The following MYO1E variants were observed in gnomAD, a reference collection of about 807,000 sequenced individuals.
MYO1E encodes the protein myosin IE, also known as unconventional myosin-Ie.
A neutral mutation model predicts 151.1 loss-of-function variants in MYO1E; 68 were observed. The observed-to-expected ratio is 0.45, with a 90% confidence interval of 0.37 to 0.55. The LOEUF (loss-of-function observed/expected upper bound fraction) is 0.55, where lower values mean the gene tolerates loss of function less well. Among genes scored for constraint, MYO1E ranks in the 20% least tolerant of loss-of-function variants. The pLI is 0.00. For missense variants in MYO1E, 1,363 were observed against 1,389.3 expected (o/e 0.98, Z 0.30); for synonymous variants, 601 against 501.7 (o/e 1.20, Z -2.64).
intron 4 of MYO1E, among the ~76,000 whole-genome samples, chr15:59,254,237 G>A (rs2140369388): frequency 6.6e-6 from 1 of 152,238 alleles, no homozygotes; most frequent in South Asian, 2.1e-4. Context: ...CGCCTGGCTA[G>A]AGTGCAGTGG....
chr15:59,305,884 C>A (rs1173282685), intron 1 of MYO1E, among the ~76,000 whole-genome samples: 2 of 152,130 alleles, frequency 1.3e-5, no homozygotes, highest in African/African-American at 4.8e-5. Flanking sequence ...CAGAGCTTCA[C>A]TGGGGGCCCA....
rs1030341144 is a variant in MYO1E at position 59,135,312 on chromosome 15, G to A, written c.*2068C>T. 6.6e-6 allele frequency: 1 copy of A among 152,164 alleles called. No homozygotes were observed. The highest frequency in any genetic ancestry group is 2.4e-5 in the African/African-American group (1 of 41,424). 9.4% of individuals were successfully genotyped at this position (152,164 alleles called of 1,614,324 possible). On this transcript the variant is annotated 3_prime_UTR_variant, in exon 28 of 28. Transcript: ENST00000288235. ...TGTAAAATGCCAATCAATCAATCAGGAGGAAAAACAAAGGCTTGTCCCAGC... is the reference window on the plus strand; with the variant it reads ...TGTAAAATGCCAATCAATCAATCAGAAGGAAAAACAAAGGCTTGTCCCAGC...
intron 6 of MYO1E, among the ~76,000 whole-genome samples, chr15:59,228,592 T>C (rs1281449921): frequency 6.6e-6 from 1 of 152,062 alleles, no homozygotes; most frequent in Non-Finnish European, 1.5e-5. Context: ...TCTCCTGTGC[T>C]TAGAAACTTA....
intron 2 of MYO1E, among the ~76,000 whole-genome samples, chr15:59,265,872 T>A (rs544686332): frequency 4.7e-5 from 7 of 147,714 alleles, no homozygotes; most frequent in African/African-American, 1.8e-4. Context: ...GAGGCTGAGG[T>A]GGGAGGATCA....
chr15:59,171,791 G>C (rs2079596218), intron 22 of MYO1E, 106 bp downstream of exon 22: 1 of 1,411,790 alleles, frequency 7.1e-7, no homozygotes, highest in East Asian at 2.3e-5. Flanking sequence ...TCATGATTTT[G>C]ACAGCTGGGA....
chr15:59,164,621 A>G (rs1030152614), intron 22 of MYO1E, among the ~76,000 whole-genome samples: 1 of 152,206 alleles, frequency 6.6e-6, no homozygotes, highest in Non-Finnish European at 1.5e-5. Flanking sequence ...TCTTCCATGT[A>G]AAATCTGATC....
intron 1 of MYO1E, among the ~76,000 whole-genome samples, chr15:59,358,216 G>A (rs1190061156): frequency 6.6e-6 from 1 of 152,090 alleles, no homozygotes; most frequent in Admixed American, 6.6e-5. Flanking sequence ...GAGCCTTAGG[G>A]AAGAGGAGGA....
intron 26 of MYO1E, among the ~76,000 whole-genome samples, chr15:59,139,000 C>A (rs75387737): frequency 2.6e-5 from 4 of 152,052 alleles, no homozygotes; most frequent in Non-Finnish European, 4.4e-5. Flanking sequence ...TACACCACTG[C>A]GCGAGTGAGT....
At chr15:59,336,317 C>G (rs779386916) in intron 1 of MYO1E, among the ~76,000 whole-genome samples, 6 of 151,442 alleles carry the variant, frequency 4.0e-5, no homozygotes, top group Non-Finnish European at 8.8e-5. Context: ...TTGCAGTGAG[C>G]CGAGATCATG....
At chr15:59,237,502 G>C (rs1179337249) in intron 4 of MYO1E, among the ~76,000 whole-genome samples, 1 of 152,124 alleles carries the variant, frequency 6.6e-6, no homozygotes, top group African/African-American at 2.4e-5. Context: ...ACATGCTTAA[G>C]TCAGTCAGAT....
intron 22 of MYO1E, among the ~76,000 whole-genome samples, chr15:59,164,706 G>C (rs1234903853): frequency 1.3e-5 from 2 of 152,190 alleles, no homozygotes; most frequent in African/African-American, 4.8e-5. Flanking sequence ...GGCCCTTCTT[G>C]GAATGACAGG....
chr15:59,286,616 G>A (rs550937730), intron 1 of MYO1E, among the ~76,000 whole-genome samples: 1 of 152,294 alleles, frequency 6.6e-6, no homozygotes, highest in African/African-American at 2.4e-5. Flanking sequence ...AGCCTTTGTT[G>A]TGGGTTTGCT....
intron 4 of MYO1E, among the ~76,000 whole-genome samples, chr15:59,247,310 A>G (rs138673411): frequency 6.6e-6 from 1 of 152,310 alleles, no homozygotes; most frequent in East Asian, 1.9e-4. Flanking sequence ...CCTCTGTCCT[A>G]TGGTATATGG....
intron 1 of MYO1E, among the ~76,000 whole-genome samples, chr15:59,284,476 G>A (rs1463237572): frequency 1.3e-5 from 2 of 151,594 alleles, no homozygotes; most frequent in Non-Finnish European, 2.9e-5. Flanking sequence ...TTGAGACAGG[G>A]TCTCACTTTG....
chr15:59,347,459 C>G (rs28380572), intron 1 of MYO1E, among the ~76,000 whole-genome samples: 29,993 of 152,084 alleles, frequency 0.2, 3,662 homozygotes, highest in African/African-American at 0.33. Flanking sequence ...AAGAGATTTT[C>G]TTATGGAACT....
chr15:59,273,302 T>C (rs902012324), intron 1 of MYO1E, among the ~76,000 whole-genome samples: 1 of 152,214 alleles, frequency 6.6e-6, no homozygotes, highest in Non-Finnish European at 1.5e-5. Flanking sequence ...GGGTCCCCCA[T>C]GTGTTCAGCT....
chr15:59,290,373 C>T (rs1316109700), intron 1 of MYO1E, among the ~76,000 whole-genome samples: 3 of 152,174 alleles, frequency 2.0e-5, no homozygotes, highest in Non-Finnish European at 4.4e-5. Context: ...CAGAGCTACC[C>T]TTTCTAAACA....
At chr15:59,290,467 G>A (rs1400270578) in intron 1 of MYO1E, among the ~76,000 whole-genome samples, 4 of 152,212 alleles carry the variant, frequency 2.6e-5, no homozygotes, top group African/African-American at 9.6e-5. Flanking sequence ...TGAGATCAGA[G>A]CTTTGGAGCC....
At chr15:59,188,245 C>A (rs374367880) in intron 17 of MYO1E, 29 bp from the exon 18 acceptor site, 1 of 1,556,300 alleles carries the variant, frequency 6.4e-7, no homozygotes, top group African/African-American at 1.4e-5. Context: ...GGGGCCTGGA[C>A]ATTACTGGAT....
Sources: allele counts gnomAD v4.1 joint callset (sites outside exome capture counted in the v4.1 genomes callset), GRCh38; gene constraint gnomAD v4.1.1; transcripts MANE v1.5; gene names NCBI Gene and HGNC (gene_info 2026-07-23, HGNC 2026-07-21).